The following DSTN variants were observed in gnomAD, a reference collection of about 807,000 sequenced individuals.
DSTN encodes destrin.
A neutral mutation model predicts 16.8 loss-of-function variants in DSTN; 10 were observed. That is an observed-to-expected ratio of 0.60 (90% CI 0.37 to 1.01). The LOEUF (loss-of-function observed/expected upper bound fraction) is 1.01, where lower values mean the gene tolerates loss of function less well. Ranked by LOEUF, DSTN falls within the 50% of genes least tolerant of loss-of-function variation. The pLI, the probability that DSTN is intolerant of heterozygous loss-of-function variation, is 0.01. For synonymous variants in DSTN, 57 were observed against 58.9 expected, an observed-to-expected ratio of 0.97 and a Z score of 0.14; for missense variants, 141 against 196.7, an observed-to-expected ratio of 0.72 and a Z score of 1.69.
At chr20:17,576,260 T>C (rs999876970) in intron 1 of DSTN, 7 of 152,368 alleles carry the variant, frequency 4.6e-5, no homozygotes, top group African/African-American at 1.4e-4. Flanking sequence ...TTTTGCTTTG[T>C]TATGTTTTAC....
intron 1 of DSTN, among the ~76,000 whole-genome samples, chr20:17,585,150 A>G (rs1172707293): frequency 6.6e-6 from 1 of 152,226 alleles, no homozygotes; most frequent in Admixed American, 6.5e-5. Flanking sequence ...GGTGGAAGAC[A>G]AATCTGGAAA....
rs2035657409 is a variant in DSTN at position 17,607,712 on chromosome 20, T to G, written c.*566T>G. 1 of 152,296 alleles carries G rather than the reference T, an allele frequency of 6.6e-6. No individual in the cohort carries two copies. The highest frequency in any genetic ancestry group is 2.1e-4 in the South Asian group (1 of 4,838). The allele number at this position is 152,296 out of a possible 1,614,324, so 9.4% of individuals were successfully genotyped here. Reference sequence around the variant, plus strand: ...TCCACGCTCATCTTGCAAAGCGCTATTTCAGGCACATCATTGGAATACAGG... The same window carrying G: ...TCCACGCTCATCTTGCAAAGCGCTAGTTCAGGCACATCATTGGAATACAGG... On this transcript the variant is annotated 3_prime_UTR_variant, in exon 4 of 4. Coordinates refer to ENST00000246069, the MANE Select transcript of DSTN (RefSeq NM_006870.4).
intron 1 of DSTN, chr20:17,591,875 A>G (rs913664595): frequency 9.1e-6 from 9 of 984,920 alleles, no homozygotes; most frequent in Non-Finnish European, 1.1e-5. Context: ...TGAGATGTTA[A>G]TAAATTGCAG....
intron 1 of DSTN, among the ~76,000 whole-genome samples, chr20:17,571,154 A>T (rs990255257): frequency 2.6e-5 from 4 of 152,228 alleles, no homozygotes; most frequent in African/African-American, 9.6e-5. Context: ...TTAAAAACGT[A>T]TTCTCAACTG....
chr20:17,581,591 A>G (rs796473840), intron 1 of DSTN, among the ~76,000 whole-genome samples: 67 of 152,284 alleles, frequency 4.4e-4, no homozygotes, highest in African/African-American at 1.5e-3. Flanking sequence ...TTGGATATAT[A>G]TTTTGGGGGT....
chr20:17,580,444 G>A (rs1392584241), intron 1 of DSTN, among the ~76,000 whole-genome samples: 1 of 152,044 alleles, frequency 6.6e-6, no homozygotes. Context: ...AAGAAAATAA[G>A]GTAATCAATA....
chr20:17,600,675 A>G, intron 1 of DSTN, 63 bp from the exon 2 acceptor site: 2 of 1,459,710 alleles, frequency 1.4e-6, no homozygotes, highest in Non-Finnish European at 1.8e-6. Flanking sequence ...AGCAGAATTT[A>G]TTATTTTATG....
chr20:17,585,130 G>T (rs565842234), intron 1 of DSTN, among the ~76,000 whole-genome samples: 1 of 152,280 alleles, frequency 6.6e-6, no homozygotes, highest in African/African-American at 2.4e-5. Context: ...TAATAAATAG[G>T]GTTGCCTGTG....
intron 2 of DSTN, among the ~76,000 whole-genome samples, chr20:17,602,744 C>G (rs1235467744): frequency 6.6e-6 from 1 of 152,188 alleles, no homozygotes; most frequent in East Asian, 1.9e-4. Flanking sequence ...AGTACCCACT[C>G]TGCTGGGCGC....
intron 1 of DSTN, chr20:17,591,978 C>T (rs940001588): frequency 1.4e-5 from 14 of 985,266 alleles, no homozygotes; most frequent in South Asian, 4.7e-5. Context: ...GAGCTACCAG[C>T]GTATTGAGAG....
chr20:17,588,552 C>T (rs540669683), intron 1 of DSTN, among the ~76,000 whole-genome samples: 7 of 152,228 alleles, frequency 4.6e-5, no homozygotes, highest in African/African-American at 1.4e-4. Context: ...GAGGCCGAGG[C>T]GGGCGGATCA....
chr20:17,579,549 C>CCTCA (rs768412506), intron 1 of DSTN, among the ~76,000 whole-genome samples: 2 of 152,166 alleles, frequency 1.3e-5, no homozygotes, highest in Non-Finnish European at 2.9e-5. Context: ...CACCACTGCA[C>CCTCA]CTCAGCCTGG....
Position 17,609,359 on chromosome 20 carries a change from G to C in DSTN, c.*2213G>C, listed in dbSNP as rs2035675282. On this transcript the variant is annotated 3_prime_UTR_variant, in exon 4 of 4. Transcript: ENST00000246069. Reference sequence around the variant, plus strand: ...GCTGTGATTACAGGTGTGAGCCACTGTGTCCTGCTAGTGATTGTGATTAAC... The same window carrying C: ...GCTGTGATTACAGGTGTGAGCCACTCTGTCCTGCTAGTGATTGTGATTAAC... The C allele has an allele frequency of 6.6e-6, 1 of 152,176 alleles. No individual in the cohort carries two copies. The highest frequency in any genetic ancestry group is 1.5e-5 in the Non-Finnish European group (1 of 68,068). 9.4% of individuals were successfully genotyped at this position (152,176 alleles called of 1,614,324 possible). A position where few individuals can be genotyped will look rare whatever the true frequency, so the allele number is the denominator to read the frequency against.
chr20:17,603,500 G>A (rs942933247), intron 2 of DSTN, among the ~76,000 whole-genome samples: 2 of 152,202 alleles, frequency 1.3e-5, no homozygotes, highest in Non-Finnish European at 2.9e-5. Context: ...TGGACTTACT[G>A]TACTGCATCT....
At chr20:17,576,625 A>G (rs1041933030) in intron 1 of DSTN, 18 of 152,258 alleles carry the variant, frequency 1.2e-4, no homozygotes, top group African/African-American at 3.9e-4. Flanking sequence ...CTGTTGCAGC[A>G]CGGCATAGAT....
At chr20:17,602,977 G>A (rs775132783) in intron 2 of DSTN, among the ~76,000 whole-genome samples, 4 of 152,096 alleles carry the variant, frequency 2.6e-5, no homozygotes, top group Admixed American at 6.5e-5. Context: ...CTGAGATCAC[G>A]CCACTGCACT....
At chr20:17,597,660 G>A (rs576790228) in intron 1 of DSTN, among the ~76,000 whole-genome samples, 2 of 152,092 alleles carry the variant, frequency 1.3e-5, no homozygotes, top group Non-Finnish European at 2.9e-5. Context: ...ACATTATTTA[G>A]TTCCTAAGTG....
At chr20:17,574,725 C>CAA (rs775060379) in intron 1 of DSTN, among the ~76,000 whole-genome samples, 21,352 of 52,638 alleles carry the variant, frequency 0.41, 3,771 homozygotes, top group East Asian at 0.56. Context: ...GACTCAGTCT[C>CAA]AAAAAAAAAA....
At position 17,608,277 on chromosome 20, in the gene DSTN, A is replaced by G. The variant is rs761989410; in HGVS notation, c.*1131A>G. The G allele has an allele frequency of 1.3e-5, 2 of 152,232 alleles. No homozygotes were observed. The highest frequency in any genetic ancestry group is 2.9e-5 in the Non-Finnish European group (2 of 68,046). 9.4% of individuals were successfully genotyped at this position (152,232 alleles called of 1,614,324 possible). A position where few individuals can be genotyped will look rare whatever the true frequency, so the allele number is the denominator to read the frequency against. ...TAATTTTCATGTGTGAATTGGGAAT[A>G]CAGGATTTTGCCTTCCATATGGGGT... On this transcript the variant is annotated 3_prime_UTR_variant, in exon 4 of 4. Transcript: ENST00000246069.
Sources: allele counts gnomAD v4.1 joint callset (sites outside exome capture counted in the v4.1 genomes callset), GRCh38; gene constraint gnomAD v4.1.1; transcripts MANE v1.5; gene names NCBI Gene and HGNC (gene_info 2026-07-23, HGNC 2026-07-21).